The following ATM variants were observed in gnomAD, a reference collection of about 807,000 sequenced individuals.
ATM encodes the protein serine-protein kinase ATM.
A neutral mutation model predicts 387.0 loss-of-function variants in ATM; 308 were observed. That is an observed-to-expected ratio of 0.80 (90% CI 0.73 to 0.87). ATM has a LOEUF of 0.87. ATM is among the 40% of genes least tolerant of loss of function. The pLI is 0.00. For synonymous variants in ATM, 1,156 were observed against 1,187.3 expected (o/e 0.97, Z 0.54); for missense variants, 3,312 against 3,560.9 (o/e 0.93, Z 1.78).
At chr11:108,224,976 G>A (rs1034043638) in intron 1 of ATM, 3 of 152,134 alleles carry the variant, frequency 2.0e-5, no homozygotes, top group African/African-American at 7.2e-5. Context: ...AGATAATACT[G>A]AACTGTTTTG....
At chr11:108,347,429 T>G in intron 59 of ATM, 64 bp downstream of exon 59, 1 of 1,317,448 alleles carries the variant, frequency 7.6e-7, no homozygotes, top group Non-Finnish European at 1.1e-6. Flanking sequence ...GGAATGTTGT[T>G]TGCCTACCAA....
At chr11:108,320,155 T>A in intron 44 of ATM, 97 bp downstream of exon 44, 1 of 932,098 alleles carries the variant, frequency 1.1e-6, no homozygotes, top group East Asian at 2.5e-5. Flanking sequence ...GGATTTGCAT[T>A]GATGAAGAGA....
In ATM at chr11:108,244,941, T is replaced by C; in HGVS notation, c.816T>C (p.Asn272=). 6.2e-7 allele frequency: 1 copy of C among 1,613,512 alleles called. No homozygotes were observed. Among genetic ancestry groups the C allele is most frequent in the Non-Finnish European group, 8.5e-7 (1 of 1,179,714 alleles). Residue 272 remains asparagine, a synonymous_variant, in exon 7 of 63, where the codon AAT becomes AAC. Transcript: ENST00000675843. ...LLYIWTQHRL[N]DSLKEVIIEL... ...ATATTTGGACTCAACATAGGCTTAA[T>C]GATTCTTTAAAAGAAGTCATTATTG... is the stretch of plus-strand genomic sequence containing the variant.
In ATM at chr11:108,307,927, A is replaced by AT; in HGVS notation, c.5706dup (p.Lys1903Ter). ...GAGCACTTTTTCCGATGCTGTTTGG[A>AT]TAAAAAATCACAAAGAACAATGCTT... On this transcript the variant is annotated frameshift_variant, in exon 38 of 63. Coordinates refer to ENST00000675843, the MANE Select transcript of ATM (RefSeq NM_000051.4). LOFTEE classifies it high-confidence loss of function. 6.2e-7 allele frequency: 1 copy of AT among 1,613,922 alleles called. No individual in the cohort carries two copies. Among genetic ancestry groups the AT allele is most frequent in the Non-Finnish European group, 8.5e-7 (1 of 1,179,900 alleles).
In ATM at chr11:108,301,690, T is replaced by A. The variant is rs1452225772; in HGVS notation, c.5220T>A (p.Ile1740=). The change falls in exon 35 of 63, where the codon ATT becomes ATA. Residue 1740 remains isoleucine (I), a synonymous_variant. Coordinates refer to ENST00000675843, the MANE Select transcript of ATM (RefSeq NM_000051.4). ...CAGCTGTTACCTGTTTGAAAAACAT[T>A]TTAGCCACAAAGACTGGACATAGTT... ...RSAAVTCLKN[I]LATKTGHSFW... is the part of the protein sequence containing the mutation. 1 of 1,613,656 alleles carries A rather than the reference T, an allele frequency of 6.2e-7. No individual in the cohort carries two copies. Among genetic ancestry groups the A allele is most frequent in the Non-Finnish European group, 8.5e-7 (1 of 1,179,802 alleles).
Position 108,295,108 on chromosome 11 carries a change from A to G in ATM, c.4909+49A>G, listed in dbSNP as rs762427531. On this transcript the variant is annotated intron_variant, in intron 32 of 62. Transcript: ENST00000675843. ...CTATTTCTACCTGTTTCTTTTTGAA[A>G]GAATATTTTGCAAAGTCTTGCTCTT... 10 of 1,610,134 alleles carry G rather than the reference A, an allele frequency of 6.2e-6. No individual in the cohort carries two copies. The African/African-American group carries it at 1.1e-4, about 17-fold the overall frequency.
chr11:108,350,851 G>A (rs1393801747), intron 59 of ATM, among the ~76,000 whole-genome samples: 1 of 151,770 alleles, frequency 6.6e-6, no homozygotes, highest in African/African-American at 2.4e-5. Flanking sequence ...AGGGTAAATT[G>A]GTACAACCCC....
chr11:108,223,501 T>C (rs1167808085), intron 1 of ATM: 1 of 152,256 alleles, frequency 6.6e-6, no homozygotes, highest in Non-Finnish European at 1.5e-5. Flanking sequence ...TTAGTACTTT[T>C]AGTCAGCGAG....
At chr11:108,353,978 G>C in intron 60 of ATM, 98 bp downstream of exon 60, 1 of 1,172,184 alleles carries the variant, frequency 8.5e-7, no homozygotes, top group Non-Finnish European at 1.3e-6. Context: ...CTGCTCAAGA[G>C]GCTGAAGTGG....
intron 10 of ATM, among the ~76,000 whole-genome samples, 155 bp from the exon 11 acceptor site, chr11:108,251,682 A>G (rs1204661104): frequency 2.6e-5 from 4 of 152,196 alleles, no homozygotes; most frequent in East Asian, 1.9e-4. Flanking sequence ...CTATTTTTTA[A>G]TCAAGAATCT....
At chr11:108,360,559 C>T (rs1298014166) in intron 61 of ATM, among the ~76,000 whole-genome samples, 4 of 141,022 alleles carry the variant, frequency 2.8e-5, no homozygotes, top group Non-Finnish European at 6.1e-5. Flanking sequence ...AAAATACTGG[C>T]AAAACGAATC....
chr11:108,226,951 C>G (rs948388607), intron 1 of ATM: 8 of 151,950 alleles, frequency 5.3e-5, no homozygotes, highest in African/African-American at 1.7e-4. Flanking sequence ...GTTTTCTATT[C>G]ATCTTTCATG....
Position 108,292,756 on chromosome 11 carries a change from T to C in ATM, c.4574T>C (p.Ile1525Thr), listed in dbSNP as rs755274980. The change falls in exon 30 of 63, where the codon ATA becomes ACA. Residue 1525 changes from isoleucine (I) to threonine (T), a missense_variant. Ile to Thr is a moderately conservative substitution (Grantham distance 89, BLOSUM62 -1). This residue lies in a region of ATM where 1,791 missense variants were observed against 1,804.5 expected (regional missense o/e 0.99). Coordinates refer to ENST00000675843, the MANE Select transcript of ATM (RefSeq NM_000051.4). ...NHLHVIVGTL[I>T]PLVYEQVEVQ... ...CTTCATGTTATTGTTGGTACACTTA[T>C]ACCCCTTGTGTATGAGCAGGTGGAG... is the stretch of plus-strand genomic sequence containing the variant. 6.2e-6 allele frequency: 10 copies of C among 1,614,116 alleles called. No individual in the cohort carries two copies. Among genetic ancestry groups the C allele is most frequent in the South Asian group, 4.4e-5 (4 of 91,084 alleles).
chr11:108,296,901 A>C (rs2083153889), intron 32 of ATM: 1 of 275,940 alleles, frequency 3.6e-6, no homozygotes, highest in South Asian at 3.9e-5. Flanking sequence ...TCATTGCAGA[A>C]AGTTCTGTGG....
At chr11:108,344,018 T>C (rs193211626) in intron 57 of ATM, among the ~76,000 whole-genome samples, 60 of 152,350 alleles carry the variant, frequency 3.9e-4, no homozygotes, top group Admixed American at 3.2e-3. Context: ...ATCCTCATTT[T>C]AAAATGAGAA....
intron 22 of ATM, among the ~76,000 whole-genome samples, chr11:108,276,855 TGAG>T (rs1353406901): frequency 1.3e-5 from 2 of 152,114 alleles, no homozygotes; most frequent in Non-Finnish European, 2.9e-5. Flanking sequence ...GGGACCCACT[TGAG>T]GAGGCAGTCT....
rs572542540 is a variant in ATM, at chr11:108,343,604, A to G, written c.8418+233A>G. Among the ~76,000 whole-genome samples, 10 of 152,336 alleles carry G rather than the reference A, an allele frequency of 6.6e-5. No homozygotes were observed. In the South Asian group the frequency reaches 1.7e-3, roughly 25 times the overall value. On this transcript the variant is annotated intron_variant, in intron 57 of 62. Transcript: ENST00000675843. ...AGATAAGAAATGTAAAGGTTATTCA[A>G]TGTGTGCTGATTTGTTTTCAATTTG... is the stretch of plus-strand genomic sequence containing the variant.
intron 54 of ATM, 116 bp from the exon 55 acceptor site, chr11:108,334,853 A>G (rs1224579652): frequency 5.5e-6 from 7 of 1,269,302 alleles, no homozygotes; most frequent in East Asian, 5.0e-5. Flanking sequence ...CTTAACCACT[A>G]TCACATCGTC....
At chr11:108,319,915 T>C (rs759023252) in intron 43 of ATM, 39 bp from the exon 44 acceptor site, 1 of 1,426,120 alleles carries the variant, frequency 7.0e-7, no homozygotes, top group Non-Finnish European at 9.9e-7. Context: ...CTTAGGGTTC[T>C]GTTTTTAAGT....
Sources: gnomAD v4.1 joint callset for allele counts (sites outside exome capture counted in the v4.1 genomes callset) on GRCh38, gnomAD v4.1.1 for gene constraint, gnomAD v4.1.1 regional missense constraint, MANE v1.5 for transcripts, NCBI Gene and HGNC (gene_info 2026-07-23, HGNC 2026-07-21) for gene names.